Variants in ADCY9 observed in about 807,000 individuals in gnomAD.
ADCY9 encodes adenylate cyclase 9, also known as adenylate cyclase type 9.
ADCY9 carries 50 observed loss-of-function variants against 101.5 expected under a neutral mutation model. The observed-to-expected ratio is 0.49, with a 90% CI of 0.39 to 0.62. The LOEUF is 0.62. Ranked by LOEUF, ADCY9 falls within the 20% of genes least tolerant of loss-of-function variation. The pLI, the probability that ADCY9 is intolerant of heterozygous loss-of-function variation, is 0.00. For synonymous variants in ADCY9, 905 were observed against 769.3 expected (o/e 1.18, Z -2.92); for missense variants, 1,662 against 1,800.4 (o/e 0.92, Z 1.39).
At chr16:4,113,723 G>A (rs1240923108) in intron 2 of ADCY9, 27 bp downstream of exon 2, 2 of 1,590,816 alleles carry the variant, frequency 1.3e-6, no homozygotes, top group African/African-American at 1.3e-5. Flanking sequence ...AGGGAGGGGG[G>A]ATGCCGAGGT....
intron 2 of ADCY9, among the ~76,000 whole-genome samples, chr16:4,067,787 C>A (rs1338698150): frequency 6.6e-6 from 1 of 152,166 alleles, no homozygotes. Context: ...AAACACTTTG[C>A]CACTGTAGCT....
chr16:4,054,837 G>A (rs2056726552), intron 2 of ADCY9, among the ~76,000 whole-genome samples: 1 of 152,094 alleles, frequency 6.6e-6, no homozygotes, highest in African/African-American at 2.4e-5. Flanking sequence ...AAAGTGCTGG[G>A]ATTACAGGTG....
intron 2 of ADCY9, among the ~76,000 whole-genome samples, chr16:4,082,709 C>CGCGT (rs2056912044): frequency 1.1e-5 from 1 of 87,956 alleles, no homozygotes; most frequent in South Asian, 4.9e-4. Flanking sequence ...TGCACACCCA[C>CGCGT]GCATGCACGC....
intron 2 of ADCY9, among the ~76,000 whole-genome samples, chr16:4,055,013 C>G (rs2056727690): frequency 1.3e-5 from 2 of 152,068 alleles, no homozygotes; most frequent in Admixed American, 1.3e-4. Context: ...TGAAATTCAA[C>G]AACACACTCA....
intron 2 of ADCY9, among the ~76,000 whole-genome samples, chr16:4,068,610 C>T (rs1041053360): frequency 6.6e-5 from 10 of 151,916 alleles, no homozygotes; most frequent in African/African-American, 1.9e-4. Context: ...GTCAGGAGAT[C>T]GAGACCATCC....
chr16:3,958,852 T>G (rs1366018900), downstream of ADCY9, among the ~76,000 whole-genome samples: 1 of 151,592 alleles, frequency 6.6e-6, no homozygotes, highest in Non-Finnish European at 1.5e-5. Context: ...ATTTTTGTAT[T>G]TTTAGTAGAG....
At chr16:4,112,256 G>A (rs1330261690) in intron 2 of ADCY9, among the ~76,000 whole-genome samples, 1 of 152,218 alleles carries the variant, frequency 6.6e-6, no homozygotes, top group Admixed American at 6.5e-5. Context: ...TCTTTCAAGT[G>A]AACAGAAAGT....
rs2230739 is a variant in ADCY9, at chr16:3,983,435, T to A, written c.2316A>T (p.Ile772=). ...CAAACGTCTTCACGGGGGAGTTCTT[T>A]ATGACCTGTGTGGAGCAGGAGTGGA... ...SYRTSYQEEV[I]KNSPVKTFAS... The change falls in exon 7 of 11, where the codon ATA becomes ATT. Residue 772 remains isoleucine, a synonymous_variant. Coordinates refer to ENST00000294016, the MANE Select transcript of ADCY9 (RefSeq NM_001116.4). The A allele has an allele frequency of 6.3e-7, 1 of 1,599,648 alleles. No individual in the cohort carries two copies. The highest frequency in any genetic ancestry group is 1.7e-5 in the Admixed American group (1 of 57,804).
At chr16:3,973,529 T>C (rs2056069779) in intron 10 of ADCY9, among the ~76,000 whole-genome samples, 1 of 151,618 alleles carries the variant, frequency 6.6e-6, no homozygotes, top group South Asian at 2.1e-4. Flanking sequence ...GACAGAGTCT[T>C]GCTGTGACAA....
intron 7 of ADCY9, 62 bp downstream of exon 7, chr16:3,983,170 C>A: frequency 6.9e-7 from 1 of 1,449,894 alleles, no homozygotes; most frequent in Non-Finnish European, 9.3e-7. Flanking sequence ...AGCCATAAGC[C>A]ATGGAGCCAG....
chr16:4,026,099 G>T (rs549812719), intron 2 of ADCY9, among the ~76,000 whole-genome samples: 1 of 152,280 alleles, frequency 6.6e-6, no homozygotes, highest in Admixed American at 6.5e-5. Context: ...GATACATCAA[G>T]AAGTTAATTC....
chr16:4,111,850 A>ATTT (rs34476259), intron 2 of ADCY9, among the ~76,000 whole-genome samples: 2 of 143,160 alleles, frequency 1.4e-5, no homozygotes, highest in African/African-American at 5.1e-5. Flanking sequence ...TCACTCTAGC[A>ATTT]TTTTTTTTTT....
intron 2 of ADCY9, among the ~76,000 whole-genome samples, chr16:4,096,348 T>C (rs1009222024): frequency 6.6e-6 from 1 of 152,242 alleles, no homozygotes; most frequent in Non-Finnish European, 1.5e-5. Context: ...TCAAACTTTA[T>C]ATTTTACCAA....
chr16:4,114,631 G>A lies in ADCY9; in HGVS notation c.812C>T (p.Ser271Leu), dbSNP rs757209625. 13 of 1,613,594 alleles carry A rather than the reference G, an allele frequency of 8.1e-6. No individual in the cohort carries two copies. Among genetic ancestry groups the A allele is most frequent in the Middle Eastern group, 1.6e-4 (1 of 6,062 alleles). Residue 271 changes from serine (S) to leucine (L), a missense_variant, in exon 2 of 11, where the codon TCG (serine) becomes TTG (leucine). Ser to Leu is a moderately radical substitution (Grantham distance 145, BLOSUM62 -2). This residue lies in a region of ADCY9 where 422 missense variants were observed against 392.0 expected (regional missense o/e 1.08). Transcript: ENST00000294016. The surrounding 1 kb of genome is among the most constrained non-coding windows in gnomAD (Gnocchi z 4.3). ...YHFRDEACFP[S>L]PGAGALHWEL... is the part of the protein sequence containing the mutation. ...CCAGTGCAGGGCCCCGGCTCCGGGC[G>A]AGGGGAAGCAGGCTTCATCCCGGAA... is the stretch of plus-strand genomic sequence containing the variant.
chr16:4,047,158 C>T (rs1177769160), intron 2 of ADCY9, among the ~76,000 whole-genome samples: 1 of 152,112 alleles, frequency 6.6e-6, no homozygotes, highest in Non-Finnish European at 1.5e-5. Flanking sequence ...ACCATCTAAA[C>T]TACAAAGTAT....
chr16:3,982,801 T>G (rs933391), intron 7 of ADCY9: 14,406 of 173,246 alleles, frequency 0.083, 1,094 homozygotes, highest in East Asian at 0.22. Flanking sequence ...TGGCGTCACA[T>G]CCAAGAGACC....
chr16:4,079,941 A>G (rs2056891658), intron 2 of ADCY9, among the ~76,000 whole-genome samples: 1 of 152,156 alleles, frequency 6.6e-6, no homozygotes. Context: ...ATTAATAAAA[A>G]TAAGATGGTC....
intron 2 of ADCY9, among the ~76,000 whole-genome samples, chr16:4,039,551 T>C (rs1032228079): frequency 1.3e-5 from 2 of 151,802 alleles, no homozygotes; most frequent in African/African-American, 4.8e-5. Flanking sequence ...CGGTGGCATG[T>C]ATCTGTAATC....
chr16:3,954,349 T>G (rs111827741), intron 5 of ADCY9, among the ~76,000 whole-genome samples: 2,079 of 152,212 alleles, frequency 0.014, 47 homozygotes, highest in African/African-American at 0.046. Context: ...TTGGTGGGAT[T>G]GGGTGGGGCT....
Sources: allele counts gnomAD v4.1 joint callset (sites outside exome capture counted in the v4.1 genomes callset), GRCh38; gene constraint gnomAD v4.1.1; regional missense constraint gnomAD v4.1.1; non-coding constraint Gnocchi (gnomAD v3.1); transcripts MANE v1.5; gene names NCBI Gene and HGNC (gene_info 2026-07-23, HGNC 2026-07-21).